Variants in AMOTL1 observed in about 807,000 individuals in gnomAD.
AMOTL1 encodes angiomotin like 1.
In AMOTL1, 45 loss-of-function variants were observed where a neutral mutation model predicts 102.9. The ratio of observed to expected loss-of-function variants is 0.44; its 90% confidence interval spans 0.34 to 0.56. The LOEUF (loss-of-function observed/expected upper bound fraction) is 0.56. AMOTL1 is among the 20% of genes least tolerant of loss of function. The pLI, the probability that AMOTL1 is intolerant of heterozygous loss-of-function variation, is 0.01. For synonymous variants in AMOTL1, 481 were observed against 484.7 expected (o/e 0.99, Z 0.10); for missense variants, 1,114 against 1,225.6 (o/e 0.91, Z 1.36).
chr11:94,861,000 C>T (rs927385719), intron 9 of AMOTL1, among the ~76,000 whole-genome samples: 2 of 152,196 alleles, frequency 1.3e-5, no homozygotes, highest in Non-Finnish European at 1.5e-5. Flanking sequence ...TGCCACCATT[C>T]GGGCGTTGGT....
intron 7 of AMOTL1, among the ~76,000 whole-genome samples, chr11:94,853,167 TACAAGTGCAGA>T (rs1294298520): frequency 6.6e-6 from 1 of 152,190 alleles, no homozygotes; most frequent in African/African-American, 2.4e-5. Context: ...AGTTCCAGGA[TACAAGTGCAGA>T]ACGTGTAGAT....
rs1375210571 is a variant in AMOTL1, at chr11:94,797,137, G to A, written c.199+1977G>A. The A allele has an allele frequency of 1.4e-5, 7 of 488,104 alleles. No homozygotes were observed. In the East Asian group the frequency reaches 4.6e-4, roughly 32 times the overall value. 30.2% of individuals were successfully genotyped at this position (488,104 alleles called of 1,614,324 possible). A position where few individuals can be genotyped will look rare whatever the true frequency, so the allele number is the denominator to read the frequency against. The stretch of plus-strand genomic sequence containing the variant: ...GTTTTGGGAAAATGATGTGCCGTAT[G>A]TACACATGAAACATAGAGCCATCAT... On this transcript the variant is annotated intron_variant, in intron 2 of 12. Transcript: ENST00000433060.
At chr11:94,724,399 C>T (rs1043248119) in intron 1 of AMOTL1, among the ~76,000 whole-genome samples, 11 of 152,070 alleles carry the variant, frequency 7.2e-5, no homozygotes, top group Admixed American at 5.2e-4. Context: ...TTCACAGAAG[C>T]GTTAAAAAAT....
intron 6 of AMOTL1, among the ~76,000 whole-genome samples, chr11:94,833,066 A>C (rs1372875090): frequency 6.6e-6 from 1 of 152,262 alleles, no homozygotes; most frequent in Non-Finnish European, 1.5e-5. Context: ...ATTATCAAGC[A>C]AAGAGGCCCT....
chr11:94,808,149 G>A (rs879639015), intron 3 of AMOTL1, among the ~76,000 whole-genome samples: 508 of 143,394 alleles, frequency 3.5e-3, no homozygotes, highest in Non-Finnish European at 5.3e-3. Flanking sequence ...TGCCCACAAG[G>A]AAATTCCTTA....
chr11:94,864,887 G>T (rs760132763), intron 10 of AMOTL1, 27 bp downstream of exon 10: 1 of 1,604,218 alleles, frequency 6.2e-7, no homozygotes, highest in Non-Finnish European at 8.5e-7. Context: ...TGTGACGTGT[G>T]GGGCCCGCTG....
chr11:94,746,446 T>C (rs966475819), intron 3 of AMOTL1, among the ~76,000 whole-genome samples: 2 of 152,278 alleles, frequency 1.3e-5, no homozygotes, highest in African/African-American at 2.4e-5. Context: ...TGGTTTGACA[T>C]AGGAGGAACG....
chr11:94,713,768 T>C (rs1950053459), intron 1 of AMOTL1, among the ~76,000 whole-genome samples: 1 of 151,870 alleles, frequency 6.6e-6, no homozygotes, highest in Non-Finnish European at 1.5e-5. Flanking sequence ...AGGTTTCTTC[T>C]TCTTTTTCTT....
chr11:94,714,951 C>T (rs1020242600), intron 1 of AMOTL1, among the ~76,000 whole-genome samples: 5 of 151,946 alleles, frequency 3.3e-5, no homozygotes, highest in Admixed American at 6.6e-5. Flanking sequence ...CTTGAGCTAG[C>T]GACTTAAATT....
At chr11:94,853,373 C>T (rs945758468) in intron 7 of AMOTL1, among the ~76,000 whole-genome samples, 6 of 152,144 alleles carry the variant, frequency 3.9e-5, no homozygotes, top group African/African-American at 1.4e-4. Context: ...TTGTTCAGCT[C>T]CCACTTACGA....
At chr11:94,733,113 A>C (rs76307793) in intron 2 of AMOTL1, among the ~76,000 whole-genome samples, 8,209 of 152,266 alleles carry the variant, frequency 0.054, 499 homozygotes, top group East Asian at 0.17. Context: ...TGCAAAGGCA[A>C]ACTAACTAAG....
chr11:94,755,951 G>A (rs938021180), intron 3 of AMOTL1, among the ~76,000 whole-genome samples: 1 of 152,158 alleles, frequency 6.6e-6, no homozygotes, highest in Non-Finnish European at 1.5e-5. Flanking sequence ...TGGATCACAC[G>A]TGGGCTTGGA....
At chr11:94,834,792 A>T (rs370716317) in intron 6 of AMOTL1, among the ~76,000 whole-genome samples, 6 of 152,156 alleles carry the variant, frequency 3.9e-5, no homozygotes, top group African/African-American at 9.7e-5. Flanking sequence ...TTGCAGTTCA[A>T]GCAGCAGGTG....
At chr11:94,825,488 G>C (rs1045891731) in intron 4 of AMOTL1, among the ~76,000 whole-genome samples, 4 of 152,184 alleles carry the variant, frequency 2.6e-5, no homozygotes, top group Non-Finnish European at 5.9e-5. Context: ...AGGGCTTTCT[G>C]CTCTGCTTGT....
chr11:94,826,936 GT>G (rs1951978180), intron 4 of AMOTL1, among the ~76,000 whole-genome samples: 1 of 152,014 alleles, frequency 6.6e-6, no homozygotes, highest in African/African-American at 2.4e-5. Context: ...GGTCTTGATT[GT>G]TTTAGGATTT....
intron 3 of AMOTL1, among the ~76,000 whole-genome samples, chr11:94,755,042 G>A (rs1342940543): frequency 1.3e-5 from 2 of 152,222 alleles, no homozygotes; most frequent in Admixed American, 6.5e-5. Context: ...ATGTCACCAG[G>A]TATTCAGTTG....
intron 3 of AMOTL1, among the ~76,000 whole-genome samples, chr11:94,811,101 C>T (rs996540050): frequency 6.6e-6 from 1 of 152,182 alleles, no homozygotes; most frequent in East Asian, 1.9e-4. Flanking sequence ...AGCTACTGAA[C>T]TGCAGCATGG....
Position 94,800,113 on chromosome 11 carries a change from G to T in AMOTL1, c.923G>T (p.Gly308Val), listed in dbSNP as rs1659787434. The T allele has an allele frequency of 6.2e-7, 1 of 1,613,956 alleles. No individual in the cohort carries two copies. The highest frequency in any genetic ancestry group is 8.5e-7 in the Non-Finnish European group (1 of 1,179,876). ...QPAGKVLDPR[G>V]PPPEYPFKTK... Reference sequence around the variant, plus strand: ...GCAGGTAAAGTGCTGGACCCTCGGGGTCCTCCACCTGAGTACCCCTTCAAG... The same window carrying T: ...GCAGGTAAAGTGCTGGACCCTCGGGTTCCTCCACCTGAGTACCCCTTCAAG... Residue 308 changes from glycine to valine, a missense_variant, in exon 3 of 13, where the codon GGT (glycine) becomes GTT (valine). Gly to Val is a moderately radical substitution (Grantham distance 109). Transcript: ENST00000433060.
chr11:94,853,950 A>G lies in AMOTL1; in HGVS notation c.1812A>G (p.Ala604=). ...KLEEELREKQ[A]YVEKVEKLQQ... ...CCACTCAGTTACGAGAGAAGCAAGC[A>G]TATGTTGAGAAAGTTGAGAAGCTGC... The change falls in exon 8 of 13, where the codon GCA becomes GCG. Residue 604 remains alanine, a synonymous_variant. Coordinates refer to ENST00000433060, the MANE Select transcript of AMOTL1 (RefSeq NM_130847.3). 3 of 1,609,198 alleles carry G rather than the reference A, an allele frequency of 1.9e-6. No homozygotes were observed. The highest frequency in any genetic ancestry group is 2.5e-6 in the Non-Finnish European group (3 of 1,177,604).
Sources: allele counts gnomAD v4.1 joint callset (sites outside exome capture counted in the v4.1 genomes callset), GRCh38; gene constraint gnomAD v4.1.1; transcripts MANE v1.5; gene names NCBI Gene and HGNC (gene_info 2026-07-23, HGNC 2026-07-21).